Variants in TKTL1 observed in about 807,000 individuals in gnomAD.
TKTL1 encodes transketolase-like protein 1.
In TKTL1, 1 loss-of-function variant was observed where a neutral mutation model predicts 39.3. The observed-to-expected ratio is 0.03, with a 90% CI of 0.01 to 0.12. The LOEUF (loss-of-function observed/expected upper bound fraction) is 0.12, where lower values mean the gene tolerates loss of function less well. Ranked by LOEUF, TKTL1 falls within the 10% of genes least tolerant of loss-of-function variation. TKTL1 has a pLI of 1.00. For missense variants in TKTL1, 575 were observed against 509.6 expected, an observed-to-expected ratio of 1.13 and a Z score of -1.24; for synonymous variants, 262 against 193.8, an observed-to-expected ratio of 1.35 and a Z score of -2.92.
chrX:154,329,045 G>A (rs2067517170), intron 12 of TKTL1, among the ~76,000 whole-genome samples: 1 of 112,408 alleles, frequency 8.9e-6, no homozygotes, highest in Non-Finnish European at 1.9e-5. Context: ...CCCTCTGCCA[G>A]GCAGGTACCC....
At chrX:154,297,651 T>C (rs1557164950) in intron 1 of TKTL1, among the ~76,000 whole-genome samples, 5 of 111,392 alleles carry the variant, frequency 4.5e-5, no homozygotes, top group Non-Finnish European at 9.4e-5. Flanking sequence ...TTAAATTTTT[T>C]GGAGAGGTCG....
At position 154,327,695 on chromosome X, in the gene TKTL1, G is replaced by A; in HGVS notation, c.1498+8G>A. The A allele has an allele frequency of 8.3e-7, 1 of 1,206,925 alleles. No individual in the cohort carries two copies. The highest frequency in any genetic ancestry group is 1.1e-6 in the Non-Finnish European group (1 of 891,137). On this transcript the variant is annotated splice_region_variant and intron_variant, in intron 11 of 12. Coordinates refer to ENST00000369915, the MANE Select transcript of TKTL1 (RefSeq NM_012253.4). ...ATGAGCTTTCGAAACAAGGTCAGTT[G>A]GTTGAGTATGAGCATTGAAGTTCAA...
chrX:154,307,014 G>A (rs1349986733), intron 2 of TKTL1, among the ~76,000 whole-genome samples: 1 of 107,492 alleles, frequency 9.3e-6, no homozygotes, highest in African/African-American at 3.7e-5. Flanking sequence ...AATAAGGAAA[G>A]GCTGGGTACA....
intron 3 of TKTL1, among the ~76,000 whole-genome samples, 199 bp downstream of exon 3, chrX:154,309,641 A>G (rs782661679): frequency 9.0e-6 from 1 of 110,746 alleles, no homozygotes; most frequent in South Asian, 3.8e-4. Flanking sequence ...TCTCTCCCAC[A>G]GGTCTGTTGA....
chrX:154,303,177 T>TTTTATTTA (rs201017132), intron 1 of TKTL1, among the ~76,000 whole-genome samples: 64 of 88,807 alleles, frequency 7.2e-4, no homozygotes, highest in South Asian at 1.9e-3. Context: ...TTTTTAAAAT[T>TTTTATTTA]TTTATTTATT....
In TKTL1 at chrX:154,303,897, C is replaced by T. The variant is rs143583152; in HGVS notation, c.135-1407C>T. ...GTGTTCTCTGATACCCAGTAACTTC[C>T]ATCATTTTCTACATGCATTTCTGTT... is the stretch of plus-strand genomic sequence containing the variant. On this transcript the variant is annotated intron_variant, in intron 1 of 12. Transcript: ENST00000369915. Among the ~76,000 whole-genome samples the T allele has an allele frequency of 2.7e-4, 29 of 108,326 alleles. No homozygotes were observed. In the East Asian group the frequency reaches 7.3e-3, roughly 27 times the overall value. The allele number at this position is 108,326 out of a possible 115,157, so 94.1% of individuals were successfully genotyped here.
intron 1 of TKTL1, 69 bp downstream of exon 1, chrX:154,296,062 A>G (rs922080422): frequency 5.2e-6 from 6 of 1,154,304 alleles, no homozygotes; most frequent in East Asian, 3.0e-5. Context: ...CCTGGTGGCC[A>G]TGAGGCCGTG....
intron 3 of TKTL1, among the ~76,000 whole-genome samples, chrX:154,310,541 C>G (rs111425909): frequency 1.4e-4 from 16 of 112,656 alleles, no homozygotes; most frequent in African/African-American, 5.2e-4. Context: ...TCTTCCCCTT[C>G]CCCTCTGGCC....
chrX:154,307,767 C>T (rs17336718), intron 2 of TKTL1, among the ~76,000 whole-genome samples: 5,512 of 112,222 alleles, frequency 0.049, 124 homozygotes, highest in Middle Eastern at 0.1. Context: ...CAAGGGCATG[C>T]AAGGCGACTG....
At chrX:154,323,551 T>G (rs1221037690) in intron 9 of TKTL1, among the ~76,000 whole-genome samples, 1 of 112,317 alleles carries the variant, frequency 8.9e-6, no homozygotes, top group African/African-American at 3.2e-5. Flanking sequence ...GAACAAAACC[T>G]GACAGCCTGT....
At chrX:154,325,964 G>C (rs1477798321) in intron 10 of TKTL1, among the ~76,000 whole-genome samples, 3 of 111,630 alleles carry the variant, frequency 2.7e-5, no homozygotes, top group African/African-American at 9.8e-5. Flanking sequence ...CTCCAGCCTG[G>C]GTGACAAGAG....
chrX:154,313,087 C>T (rs1603352910), intron 6 of TKTL1, among the ~76,000 whole-genome samples: 1 of 112,083 alleles, frequency 8.9e-6, no homozygotes, highest in Non-Finnish European at 1.9e-5. Context: ...TTCACCACTC[C>T]TGGCTCCCCT....
chrX:154,328,390 A>G (rs2067509634), intron 12 of TKTL1, among the ~76,000 whole-genome samples: 1 of 106,506 alleles, frequency 9.4e-6, no homozygotes, highest in Non-Finnish European at 1.9e-5. Context: ...TACTAAAAAT[A>G]CAAAAATTAG....
At chrX:154,318,474 C>T (rs1338667355) in intron 7 of TKTL1, among the ~76,000 whole-genome samples, 13 of 105,571 alleles carry the variant, frequency 1.2e-4, no homozygotes, top group African/African-American at 4.5e-4. Context: ...CCGAGGCGGA[C>T]GGATCACGAG....
intron 7 of TKTL1, among the ~76,000 whole-genome samples, chrX:154,317,793 G>A (rs1196198850): frequency 8.9e-6 from 1 of 111,742 alleles, no homozygotes; most frequent in Non-Finnish European, 1.9e-5. Flanking sequence ...ACCCAAGGCT[G>A]GTGCTTGAGT....
chrX:154,310,779 T>G (rs968437999), intron 3 of TKTL1, 57 bp from the exon 4 acceptor site: 5 of 1,047,411 alleles, frequency 4.8e-6, no homozygotes, highest in Non-Finnish European at 6.5e-6. Context: ...AATGCATTTG[T>G]TTGGTTGGCC....
At chrX:154,327,443 G>T in intron 10 of TKTL1, 148 bp from the exon 11 acceptor site, 1 of 589,077 alleles carries the variant, frequency 1.7e-6, no homozygotes, top group Non-Finnish European at 3.1e-6. Flanking sequence ...GTCCTGGCTT[G>T]TAAATGCATC....
intron 10 of TKTL1, among the ~76,000 whole-genome samples, chrX:154,325,635 G>A (rs1557171788): frequency 4.4e-5 from 5 of 112,406 alleles, no homozygotes; most frequent in African/African-American, 1.3e-4. Flanking sequence ...TCCAAATGGA[G>A]TCTTTTGTTG....
rs190709425 is a variant in TKTL1, at chrX:154,306,136, G to A, written c.252+715G>A. Among the ~76,000 whole-genome samples the A allele has an allele frequency of 3.9e-3, 400 of 102,951 alleles. 13 individuals carry two copies. The East Asian group carries it at 0.09, about 23-fold the overall frequency. 89.4% of individuals were successfully genotyped at this position (102,951 alleles called of 115,157 possible). ...AGCCTGGTCAACATAGCAAAACTCC[G>A]TCTCCACTTAAAAAAAAAAAAAATT... On this transcript the variant is annotated intron_variant, in intron 2 of 12. Coordinates refer to ENST00000369915, the MANE Select transcript of TKTL1 (RefSeq NM_012253.4).
Sources: gnomAD v4.1 joint callset for allele counts (sites outside exome capture counted in the v4.1 genomes callset) on GRCh38, gnomAD v4.1.1 for gene constraint, MANE v1.5 for transcripts, NCBI Gene and HGNC (gene_info 2026-07-23, HGNC 2026-07-21) for gene names.